WDR86: variants seen among roughly 807,000 people sequenced by gnomAD.
WDR86 encodes WD repeat-containing protein 86.
Under a neutral mutation model 36.5 loss-of-function variants are expected in WDR86, and 30 were observed. That is an observed-to-expected ratio of 0.82 (90% CI 0.61 to 1.11). The LOEUF (loss-of-function observed/expected upper bound fraction) is 1.11. Ranked by LOEUF, WDR86 falls within the 50% of genes most tolerant of loss-of-function variation. WDR86 has a pLI of 0.00. For missense variants in WDR86, 545 were observed against 561.2 expected (o/e 0.97, Z 0.29); for synonymous variants, 255 against 252.9 (o/e 1.01, Z -0.08).
At chr7:151,376,555 G>T (rs576636705), downstream of WDR86, 9 of 1,350,370 alleles carry the variant, frequency 6.7e-6, no homozygotes, top group Non-Finnish European at 8.0e-6. Context: ...ATGAGAGTCG[G>T]CTGTCCACTC....
intron 2 of WDR86, among the ~76,000 whole-genome samples, chr7:151,396,720 G>A (rs1799850650): frequency 6.6e-6 from 1 of 152,218 alleles, no homozygotes; most frequent in African/African-American, 2.4e-5. Flanking sequence ...AGGGCCCTGA[G>A]AAGCTGGAGA....
chr7:151,385,069 G>T lies in WDR86; in HGVS notation c.862+19C>A, dbSNP rs779935989. Reference sequence around the variant, plus strand: ...GCCAGGCTGGGGTGGCACAGGTCGTGCAGGGCCAAGTCACTTACAGGTGCC... The same window carrying T: ...GCCAGGCTGGGGTGGCACAGGTCGTTCAGGGCCAAGTCACTTACAGGTGCC... On this transcript the variant is annotated intron_variant, in intron 4 of 5. Transcript: ENST00000334493. 6.3e-7 allele frequency: 1 copy of T among 1,579,236 alleles called. No homozygotes were observed. The highest frequency in any genetic ancestry group is 8.6e-7 in the Non-Finnish European group (1 of 1,158,856).
chr7:151,370,082 T>A, the WDR86 span, among the ~76,000 whole-genome samples: 2 of 152,008 alleles, frequency 1.3e-5, no homozygotes, highest in African/African-American at 4.8e-5. Flanking sequence ...GGCAGAGACT[T>A]TGAAAAGCTG....
intron 3 of WDR86, 35 bp downstream of exon 3, chr7:151,395,731 ACCTGGGCTCC>A (rs1414941692): frequency 1.3e-6 from 2 of 1,508,944 alleles, no homozygotes; most frequent in Non-Finnish European, 1.8e-6. Context: ...GCAGGGGGTG[ACCTGGGCTCC>A]CCTGGCTGCT....
chr7:151,388,350 T>C lies in WDR86; in HGVS notation c.727-3127A>G, dbSNP rs569966657. Among the ~76,000 whole-genome samples the C allele has an allele frequency of 6.6e-6, 1 of 152,376 alleles. No homozygotes were observed. Among genetic ancestry groups the C allele is most frequent in the East Asian group, 1.9e-4 (1 of 5,192 alleles). On this transcript the variant is annotated intron_variant, in intron 3 of 5. Coordinates refer to ENST00000334493, the MANE Select transcript of WDR86 (RefSeq NM_198285.3). The surrounding 1 kb of genome is among the most constrained non-coding windows in gnomAD (Gnocchi z 4.2). ...TGTTTAAAACATCTCTGTAAAACCA[T>C]GAAGGGACAGGGCAGAGACTCTATC...
Position 151,381,864 on chromosome 7 carries a change from G to A in WDR86, c.966+14C>T. 6.2e-7 allele frequency: 1 copy of A among 1,601,620 alleles called. No individual in the cohort carries two copies. Among genetic ancestry groups the A allele is most frequent in the Non-Finnish European group, 8.5e-7 (1 of 1,174,602 alleles). On this transcript the variant is annotated intron_variant, in intron 5 of 5. Transcript: ENST00000334493. This position sits in a 1 kb window ranked among gnomAD's most constrained non-coding sequence, Gnocchi z 4.8. ...CCCACGGGCGGCGGCCCCGAGAAGG[G>A]CAGAGGGACCTACCTGGATGCAGTT... is the stretch of plus-strand genomic sequence containing the variant.
Position 151,400,879 on chromosome 7 carries a change from T to C in WDR86, c.164-638A>G, listed in dbSNP as rs1199618162. ...CTCATTCAAGCAAAGCTATCTTCAG[T>C]AGGGACTTTCCCCTGTAGAGAGCAC... On this transcript the variant is annotated intron_variant, in intron 1 of 5. Transcript: ENST00000334493. 1.3e-5 allele frequency among the ~76,000 whole-genome samples: 2 copies of C among 152,360 alleles called. 1 individual carries two copies. Among genetic ancestry groups the C allele is most frequent in the South Asian group, 4.1e-4 (2 of 4,832 alleles).
In WDR86 at chr7:151,390,470, C is replaced by G. The variant is rs544573038; in HGVS notation, c.727-5247G>C. ...CGGCGCCCACCTCCCATCCCTTTCCCTCTACACTCGCCTTAAGAATCATTT... is the reference window on the plus strand; with the variant it reads ...CGGCGCCCACCTCCCATCCCTTTCCGTCTACACTCGCCTTAAGAATCATTT... On this transcript the variant is annotated intron_variant, in intron 3 of 5. Coordinates refer to ENST00000334493, the MANE Select transcript of WDR86 (RefSeq NM_198285.3). This position sits in a 1 kb window ranked among gnomAD's most constrained non-coding sequence, Gnocchi z 4.5. 6.6e-6 allele frequency among the ~76,000 whole-genome samples: 1 copy of G among 151,158 alleles called. No homozygotes were observed. Among genetic ancestry groups the G allele is most frequent in the South Asian group, 2.1e-4 (1 of 4,758 alleles).
Position 151,381,305 on chromosome 7 carries a change from C to A in WDR86, c.*277G>T, listed in dbSNP as rs968659691. On this transcript the variant is annotated 3_prime_UTR_variant, in exon 6 of 6. Coordinates refer to ENST00000334493, the MANE Select transcript of WDR86 (RefSeq NM_198285.3). This position sits in a 1 kb window ranked among gnomAD's most constrained non-coding sequence, Gnocchi z 4.8. ...TGCAGCCCCTGAGGTGGGAGGGTCC[C>A]CAGGACTAGGCCTTTCGCCAGGTCA... 1 of 1,328,214 alleles carries A rather than the reference C, an allele frequency of 7.5e-7. No individual in the cohort carries two copies. The highest frequency in any genetic ancestry group is 9.6e-7 in the Non-Finnish European group (1 of 1,043,972). 82.3% of individuals were successfully genotyped at this position (1,328,214 alleles called of 1,614,324 possible).
chr7:151,387,622 C>T (rs369945683), intron 3 of WDR86, among the ~76,000 whole-genome samples: 11 of 152,224 alleles, frequency 7.2e-5, no homozygotes, highest in African/African-American at 2.4e-4. Context: ...AGGAGAGGCA[C>T]CGGCCCGGGG....
At position 151,400,257 on chromosome 7, in the gene WDR86, A is replaced by T. The variant is rs1800188716; in HGVS notation, c.164-16T>A. The T allele has an allele frequency of 3.2e-6, 5 of 1,580,516 alleles. No homozygotes were observed. Among genetic ancestry groups the T allele is most frequent in the Non-Finnish European group, 4.3e-6 (5 of 1,160,796 alleles). On this transcript the variant is annotated splice_polypyrimidine_tract_variant and intron_variant, in intron 1 of 5. Transcript: ENST00000334493. ...CTTTCATGTCCTGCAGATGAGGGACAGGGGAGATGTGAGCGTACTGGGGAT... is the reference window on the plus strand; with the variant it reads ...CTTTCATGTCCTGCAGATGAGGGACTGGGGAGATGTGAGCGTACTGGGGAT...
At chr7:151,377,463 T>C (rs535644537), downstream of WDR86, 16 of 338,716 alleles carry the variant, frequency 4.7e-5, no homozygotes, top group South Asian at 8.7e-4. Context: ...TCTGCGTCCC[T>C]AACCCCTTCC....
At chr7:151,374,396 C>G, downstream of WDR86, 1 of 1,048,556 alleles carries the variant, frequency 9.5e-7, no homozygotes, top group South Asian at 1.4e-5. Flanking sequence ...GGCTCCAGCC[C>G]AGACACAGGC....
chr7:151,399,965 C>T (rs1260558887), intron 2 of WDR86, 135 bp downstream of exon 2: 2 of 800,580 alleles, frequency 2.5e-6, no homozygotes, highest in Non-Finnish European at 1.8e-6. Flanking sequence ...TACTGACCAC[C>T]TCCCAGCTGT....
rs945398395 is a variant in WDR86, at chr7:151,381,714, G to C, written c.999C>G (p.His333Gln). Residue 333 changes from histidine (H) to glutamine (Q), a missense_variant, in exon 6 of 6, where the codon CAC becomes CAG. Transcript: ENST00000334493. The surrounding 1 kb of genome is among the most constrained non-coding windows in gnomAD (Gnocchi z 4.8). ...CGTCCCAGAGGCGCAGGGCGCCGTC[G>C]TGCGAGGCGGTGTAGAGCACCTGGC... The part of the protein sequence containing the change: ...VHGQVLYTAS[H>Q]DGALRLWDVR... 6 of 1,496,938 alleles carry C rather than the reference G, an allele frequency of 4.0e-6. No homozygotes were observed. The highest frequency in any genetic ancestry group is 1.5e-5 in the African/African-American group (1 of 68,768). 92.7% of individuals were successfully genotyped at this position (1,496,938 alleles called of 1,614,324 possible). A position where few individuals can be genotyped will look rare whatever the true frequency, so the allele number is the denominator to read the frequency against.
downstream of WDR86, chr7:151,381,111 G>A: frequency 8.2e-7 from 1 of 1,212,360 alleles, no homozygotes; most frequent in Non-Finnish European, 1.0e-6. This position sits in a 1 kb window ranked among gnomAD's most constrained non-coding sequence, Gnocchi z 4.8. Flanking sequence ...ACAAAAAGAG[G>A]ACACAGGAGC....
In WDR86 at chr7:151,390,238, C is replaced by T. The variant is rs144711391; in HGVS notation, c.727-5015G>A. 1.0e-3 allele frequency among the ~76,000 whole-genome samples: 159 copies of T among 152,288 alleles called. 3 individuals carry two copies. The East Asian group carries it at 0.024, about 23-fold the overall frequency. On this transcript the variant is annotated intron_variant, in intron 3 of 5. Coordinates refer to ENST00000334493, the MANE Select transcript of WDR86 (RefSeq NM_198285.3). This position sits in a 1 kb window ranked among gnomAD's most constrained non-coding sequence, Gnocchi z 4.5. Reference sequence around the variant, plus strand: ...GATGAAAAGTCCCTGGTTCAGCCCTCAACGACAGAGCTCTCCCCGTGAAAA... The same window carrying T: ...GATGAAAAGTCCCTGGTTCAGCCCTTAACGACAGAGCTCTCCCCGTGAAAA...
At position 151,409,499 on chromosome 7, in the gene WDR86, G is replaced by A. The variant is rs1584807667; in HGVS notation, c.91C>T (p.Leu31=). ...LSLSPDGQRL[L]TGSEDGTARL... is the part of the protein sequence containing the mutation. Reference sequence around the variant, plus strand: ...GCCGTGCCGTCCTCGCTGCCCGTCAGCAGGCGCTGCCCGTCGGGGCTCAGG... The same window carrying A: ...GCCGTGCCGTCCTCGCTGCCCGTCAACAGGCGCTGCCCGTCGGGGCTCAGG... The change falls in exon 1 of 6, where the codon CTG becomes TTG. Residue 31 remains leucine (L), a synonymous_variant. Transcript: ENST00000334493. This position sits in a 1 kb window ranked among gnomAD's most constrained non-coding sequence, Gnocchi z 5.2. 5 of 1,533,500 alleles carry A rather than the reference G, an allele frequency of 3.3e-6. No individual in the cohort carries two copies. The South Asian group carries it at 4.8e-5, about 15-fold the overall frequency. The allele number at this position is 1,533,500 out of a possible 1,614,324, so 95.0% of individuals were successfully genotyped here. A position where few individuals can be genotyped will look rare whatever the true frequency, so the allele number is the denominator to read the frequency against.
intron 3 of WDR86, among the ~76,000 whole-genome samples, chr7:151,393,114 G>C (rs552072331): frequency 6.0e-4 from 92 of 152,228 alleles, no homozygotes; most frequent in Non-Finnish European, 1.1e-3. Context: ...GCCCCCGGGT[G>C]CTCTCTCTTC....
Sources: gnomAD v4.1 joint callset for allele counts (sites outside exome capture counted in the v4.1 genomes callset) on GRCh38, gnomAD v4.1.1 for gene constraint, Gnocchi (gnomAD v3.1) non-coding constraint, MANE v1.5 for transcripts, NCBI Gene and HGNC (gene_info 2026-07-23, HGNC 2026-07-21) for gene names.